The following TMEM132D variants were observed in gnomAD, a reference collection of about 807,000 sequenced individuals.
TMEM132D encodes the protein mature OL transmembrane protein.
In TMEM132D, 21 loss-of-function variants were observed where a neutral mutation model predicts 62.3. That is an observed-to-expected ratio of 0.34 (90% CI 0.24 to 0.49). TMEM132D has a LOEUF of 0.49. Among genes scored for constraint, TMEM132D ranks in the 20% least tolerant of loss-of-function variants. The pLI, the probability that TMEM132D is intolerant of heterozygous loss-of-function variation, is 0.99. For missense variants in TMEM132D, 1,346 were observed against 1,402.8 expected (o/e 0.96, Z 0.65); for synonymous variants, 621 against 575.6 (o/e 1.08, Z -1.13).
intron 2 of TMEM132D, among the ~76,000 whole-genome samples, chr12:129,667,566 C>T (rs919384659): frequency 6.6e-6 from 1 of 152,068 alleles, no homozygotes; most frequent in African/African-American, 2.4e-5. Flanking sequence ...ATTTTGTGAT[C>T]TCTAGTGTTT....
rs375071118 is a variant in TMEM132D at position 129,817,716 on chromosome 12, T to G, written c.79+85545A>C. On this transcript the variant is annotated intron_variant, in intron 1 of 8. Coordinates refer to ENST00000422113, the MANE Select transcript of TMEM132D (RefSeq NM_133448.3). ...GTGTGTGTATCTGTGTGTATGTGCC[T>G]TGGGGTGTGTGTGGTGTAAGGTGTG... Among the ~76,000 whole-genome samples, 15 of 146,358 alleles carry G rather than the reference T, an allele frequency of 1.0e-4. No homozygotes were observed. The East Asian group carries it at 3.2e-3, about 31-fold the overall frequency.
chr12:129,518,363 A>G (rs934377668), intron 3 of TMEM132D, among the ~76,000 whole-genome samples: 3 of 152,258 alleles, frequency 2.0e-5, no homozygotes, highest in African/African-American at 4.8e-5. Flanking sequence ...GTGTCCTCCT[A>G]TACAGTACAG....
intron 2 of TMEM132D, among the ~76,000 whole-genome samples, chr12:129,573,742 C>T (rs980032950): frequency 1.3e-5 from 2 of 151,970 alleles, no homozygotes; most frequent in African/African-American, 4.8e-5. Flanking sequence ...CAAGGGCAGG[C>T]ACTGAATAGT....
intron 4 of TMEM132D, among the ~76,000 whole-genome samples, chr12:129,304,163 T>A (rs148501143): frequency 3.7e-4 from 57 of 152,326 alleles, no homozygotes; most frequent in Non-Finnish European, 6.3e-4. Context: ...ACCATCGCAG[T>A]CTGTAAGCAG....
At chr12:129,252,968 C>T (rs1276182661) in intron 4 of TMEM132D, among the ~76,000 whole-genome samples, 1 of 144,598 alleles carries the variant, frequency 6.9e-6, no homozygotes, top group Non-Finnish European at 1.5e-5. Context: ...CGCAAGTTCT[C>T]ACTCATAGGT....
At chr12:129,260,144 TG>T (rs1880514851) in intron 4 of TMEM132D, among the ~76,000 whole-genome samples, 1 of 151,962 alleles carries the variant, frequency 6.6e-6, no homozygotes, top group Non-Finnish European at 1.5e-5. Context: ...ACTCTAAATT[TG>T]GGGGGTTGAG....
intron 3 of TMEM132D, chr12:129,521,542 T>C (rs1875847690): frequency 6.6e-6 from 1 of 152,204 alleles, no homozygotes; most frequent in Admixed American, 6.5e-5. Context: ...GAGAAAGAAT[T>C]AAGGTAACCA....
At chr12:129,151,654 C>A (rs1877075275) in intron 5 of TMEM132D, among the ~76,000 whole-genome samples, 1 of 152,204 alleles carries the variant, frequency 6.6e-6, no homozygotes, top group South Asian at 2.1e-4. Context: ...CTCCATCCAC[C>A]TCCTCAGCTT....
At chr12:129,723,795 A>C (rs543925455) in intron 1 of TMEM132D, among the ~76,000 whole-genome samples, 1 of 152,344 alleles carries the variant, frequency 6.6e-6, no homozygotes, top group Admixed American at 6.5e-5. Flanking sequence ...CCATGCCAGG[A>C]GCCAGCACAA....
At chr12:129,151,348 A>G (rs1877065147) in intron 5 of TMEM132D, among the ~76,000 whole-genome samples, 1 of 152,106 alleles carries the variant, frequency 6.6e-6, no homozygotes, top group Admixed American at 6.5e-5. Flanking sequence ...TGCTGGTGAT[A>G]TTTGTTGGGG....
At chr12:129,898,991 A>C (rs982851256) in intron 1 of TMEM132D, among the ~76,000 whole-genome samples, 2 of 152,208 alleles carry the variant, frequency 1.3e-5, no homozygotes, top group Non-Finnish European at 2.9e-5. Context: ...ACTGGCACTA[A>C]ACATCCCTAC....
At chr12:129,818,743 A>C (rs1398168248) in intron 1 of TMEM132D, among the ~76,000 whole-genome samples, 1 of 151,958 alleles carries the variant, frequency 6.6e-6, no homozygotes, top group African/African-American at 2.4e-5. Flanking sequence ...GTGCCACTTA[A>C]AGTAGAACGT....
At chr12:129,511,112 T>C (rs1236632904) in intron 3 of TMEM132D, among the ~76,000 whole-genome samples, 4 of 152,190 alleles carry the variant, frequency 2.6e-5, no homozygotes, top group African/African-American at 7.2e-5. Context: ...TATAGTCATG[T>C]AAATACATCA....
intron 5 of TMEM132D, among the ~76,000 whole-genome samples, chr12:129,186,381 C>T (rs1878222794): frequency 6.6e-6 from 1 of 152,180 alleles, no homozygotes; most frequent in South Asian, 2.1e-4. Flanking sequence ...CCTCCCAGGC[C>T]CCCTGGTTTC....
At chr12:129,840,791 A>C (rs537774211) in intron 1 of TMEM132D, among the ~76,000 whole-genome samples, 1 of 152,320 alleles carries the variant, frequency 6.6e-6, no homozygotes, top group Admixed American at 6.5e-5. Flanking sequence ...CTCAAACATC[A>C]AACAAGGACC....
At chr12:129,544,467 T>A (rs1376777409) in intron 2 of TMEM132D, among the ~76,000 whole-genome samples, 1 of 152,270 alleles carries the variant, frequency 6.6e-6, no homozygotes, top group African/African-American at 2.4e-5. Context: ...ATACTAAGTT[T>A]ATTTGTGTTT....
At chr12:129,158,326 A>C (rs1877303083) in intron 5 of TMEM132D, among the ~76,000 whole-genome samples, 1 of 152,198 alleles carries the variant, frequency 6.6e-6, no homozygotes, top group African/African-American at 2.4e-5. Context: ...AGAGGGAGAA[A>C]TCAAGAAGGA....
At position 129,866,245 on chromosome 12, in the gene TMEM132D, A is replaced by G. The variant is rs559231785; in HGVS notation, c.79+37016T>C. On this transcript the variant is annotated intron_variant, in intron 1 of 8. Coordinates refer to ENST00000422113, the MANE Select transcript of TMEM132D (RefSeq NM_133448.3). ...AGAAATGAGTGTTAGCATATACACC[A>G]TGGAATACTATGCAGCCATAAAAAA... Among the ~76,000 whole-genome samples, 168 of 152,318 alleles carry G rather than the reference A, an allele frequency of 1.1e-3. 3 individuals carry two copies. The South Asian group carries it at 0.033, about 30-fold the overall frequency.
rs117884358 is a variant in TMEM132D, at chr12:129,092,102, T to C, written c.1444-7400A>G. 9.9e-3 allele frequency among the ~76,000 whole-genome samples: 1,506 copies of C among 152,342 alleles called. 40 individuals carry two copies. Among genetic ancestry groups the C allele is most frequent in the Admixed American group, 0.048 (740 of 15,300 alleles). ...ATCTATTAAAACTCTTGAACCCCTT[T>C]CATAATCCATTTCCAGCCAGTCACA... On this transcript the variant is annotated intron_variant, in intron 5 of 8. Transcript: ENST00000422113.
Sources: allele counts gnomAD v4.1 joint callset (sites outside exome capture counted in the v4.1 genomes callset), GRCh38; gene constraint gnomAD v4.1.1; transcripts MANE v1.5; gene names NCBI Gene and HGNC (gene_info 2026-07-23, HGNC 2026-07-21).